Variants in SETD7 observed in about 807,000 individuals in gnomAD.
The protein encoded by SETD7 is SET domain containing 7, histone lysine methyltransferase, also known as histone-lysine N-methyltransferase SETD7.
Under a neutral mutation model 41.8 loss-of-function variants are expected in SETD7, and 16 were observed. That is an observed-to-expected ratio of 0.38 (90% CI 0.26 to 0.58). The LOEUF (loss-of-function observed/expected upper bound fraction) is 0.58, where lower values mean the gene tolerates loss of function less well. Among genes scored for constraint, SETD7 ranks in the 20% least tolerant of loss-of-function variants. The pLI is 0.64. For missense variants in SETD7, 346 were observed against 459.7 expected (o/e 0.75, Z 2.26); for synonymous variants, 163 against 169.7 (o/e 0.96, Z 0.31).
chr4:139,509,651 C>T lies in SETD7; in HGVS notation c.*2012G>A. ...GAGGTTAATGCAAGCCATCTTTCTC[C>T]TGAAGACAGTCACTCCCTTTGGGCA... On this transcript the variant is annotated 3_prime_UTR_variant, in exon 8 of 8. Transcript: ENST00000274031. 1.0e-6 allele frequency: 1 copy of T among 971,060 alleles called. No homozygotes were observed. Among genetic ancestry groups the T allele is most frequent in the Non-Finnish European group, 1.2e-6 (1 of 816,794 alleles). 60.2% of individuals were successfully genotyped at this position (971,060 alleles called of 1,614,324 possible).
At chr4:139,546,878 ATTC>A (rs775645887) in intron 2 of SETD7, 39 bp downstream of exon 2, 40 of 1,613,390 alleles carry the variant, frequency 2.5e-5, no homozygotes, top group Non-Finnish European at 5.1e-6. Context: ...ACATAAAATA[ATTC>A]GGTACCCCCA....
chr4:139,526,090 A>G (rs1447309436), intron 4 of SETD7, among the ~76,000 whole-genome samples: 2 of 151,946 alleles, frequency 1.3e-5, no homozygotes, highest in African/African-American at 4.8e-5. Flanking sequence ...TCTCTGTGTC[A>G]CCCAGGCTGG....
intron 7 of SETD7, among the ~76,000 whole-genome samples, chr4:139,500,547 C>T (rs1262774993): frequency 2.6e-5 from 4 of 152,180 alleles, no homozygotes; most frequent in Non-Finnish European, 5.9e-5. Flanking sequence ...CTTGCTCTGT[C>T]GTCCAGGCTG....
intron 2 of SETD7, among the ~76,000 whole-genome samples, chr4:139,535,499 C>T (rs1727613276): frequency 6.6e-6 from 1 of 152,068 alleles, no homozygotes; most frequent in Non-Finnish European, 1.5e-5. Flanking sequence ...ACTAGTCTGC[C>T]AATATTTCTC....
rs1412742724 is a variant in SETD7, at chr4:139,511,805, C to A, written c.959G>T (p.Arg320Leu). ...HPRFGPIKCI[R>L]TLRAVEADEE... The stretch of plus-strand genomic sequence containing the variant: ...ATCGGCCTCCACTGCTCTCAGGGTG[C>A]GGATGCATTTGATGGGCCCAAAACG... Residue 320 changes from arginine to leucine, a missense_variant, in exon 8 of 8, where the codon CGC (arginine) becomes CTC (leucine). This residue lies in a region of SETD7 where 75 missense variants were observed against 65.5 expected (regional missense o/e 1.14). Transcript: ENST00000274031. The A allele has an allele frequency of 6.2e-7, 1 of 1,613,676 alleles. No homozygotes were observed. The highest frequency in any genetic ancestry group is 8.5e-7 in the Non-Finnish European group (1 of 1,179,896).
intron 7 of SETD7, among the ~76,000 whole-genome samples, chr4:139,514,873 G>A (rs1472979465): frequency 6.6e-6 from 1 of 152,126 alleles, no homozygotes; most frequent in Admixed American, 6.6e-5. Context: ...ATGTTAAAGT[G>A]TACATATCAG....
intron 2 of SETD7, among the ~76,000 whole-genome samples, chr4:139,540,146 A>T (rs894034476): frequency 2.0e-5 from 3 of 152,200 alleles, no homozygotes; most frequent in Non-Finnish European, 2.9e-5. Context: ...AGGTTTTCTC[A>T]TTCAATCACA....
At chr4:139,553,192 C>T (rs955520177) in intron 1 of SETD7, among the ~76,000 whole-genome samples, 5 of 152,202 alleles carry the variant, frequency 3.3e-5, no homozygotes, top group African/African-American at 9.7e-5. Flanking sequence ...AGAACTTTCC[C>T]AGAGTTACAA....
At chr4:139,523,462 T>C (rs747858284) in intron 4 of SETD7, 27 bp from the exon 5 acceptor site, 2 of 1,535,496 alleles carry the variant, frequency 1.3e-6, no homozygotes, top group East Asian at 2.2e-5. Context: ...AATACCAGTA[T>C]AGGTGCAGAG....
chr4:139,545,031 T>C (rs1166839566), intron 2 of SETD7, among the ~76,000 whole-genome samples: 5 of 152,078 alleles, frequency 3.3e-5, no homozygotes, highest in African/African-American at 2.4e-5. Context: ...TACATAAATA[T>C]GTACTTGTTG....
intron 5 of SETD7, among the ~76,000 whole-genome samples, chr4:139,522,200 G>C (rs549184199): frequency 6.4e-4 from 98 of 152,350 alleles, no homozygotes; most frequent in Non-Finnish European, 1.2e-3. Context: ...GGTCAGCCCT[G>C]TCAGTTGAAT....
At chr4:139,530,613 G>C (rs1324605834) in intron 3 of SETD7, among the ~76,000 whole-genome samples, 1 of 152,036 alleles carries the variant, frequency 6.6e-6, no homozygotes, top group Non-Finnish European at 1.5e-5. Context: ...GAGCATTTGT[G>C]CTTCTTATAA....
rs563400069 is a variant in SETD7, at chr4:139,524,033, A to G, written c.563-598T>C. On this transcript the variant is annotated intron_variant, in intron 4 of 7. Transcript: ENST00000274031. ...GAACACTGGCTCTCTGTGAAGGATTAGCTTTAGAGAATCCTCACAGACAGC... is the reference window on the plus strand; with the variant it reads ...GAACACTGGCTCTCTGTGAAGGATTGGCTTTAGAGAATCCTCACAGACAGC... 2.6e-5 allele frequency among the ~76,000 whole-genome samples: 4 copies of G among 152,354 alleles called. No homozygotes were observed. In the South Asian group the frequency reaches 8.3e-4, roughly 32 times the overall value.
intron 2 of SETD7, among the ~76,000 whole-genome samples, chr4:139,544,324 A>AATAAAATAAAATAAAATAAAATAAG (rs1727869900): frequency 6.6e-6 from 1 of 151,774 alleles, no homozygotes; most frequent in Non-Finnish European, 1.5e-5. Context: ...AATAAAATAA[A>AATAAAATAAAATAAAATAAAATAAG]ATAAAATAAA....
chr4:139,555,121 A>G lies in SETD7; in HGVS notation c.40+977T>C, dbSNP rs184072123. On this transcript the variant is annotated intron_variant, in intron 1 of 7. Coordinates refer to ENST00000274031, the MANE Select transcript of SETD7 (RefSeq NM_030648.4). This position sits in a 1 kb window ranked among gnomAD's most constrained non-coding sequence, Gnocchi z 4.0. ...CAGTATTCGCTGTTACAAAATCATA[A>G]CATCCTATGATACAAACAACGAGAT... 2.0e-5 allele frequency among the ~76,000 whole-genome samples: 3 copies of G among 151,484 alleles called. No individual in the cohort carries two copies. In the East Asian group the frequency reaches 5.8e-4, roughly 29 times the overall value.
At chr4:139,544,797 A>AGTGTGTGTGTGT (rs10581648) in intron 2 of SETD7, among the ~76,000 whole-genome samples, 11,681 of 144,548 alleles carry the variant, frequency 0.081, 375 homozygotes, top group African/African-American at 0.097. Context: ...CCAGATTTAA[A>AGTGTGTGTGTGT]GTGTGTGTGT....
chr4:139,529,787 C>T (rs566317341), intron 3 of SETD7, among the ~76,000 whole-genome samples: 2 of 152,266 alleles, frequency 1.3e-5, no homozygotes, highest in East Asian at 3.9e-4. Context: ...TTTTCAGAGG[C>T]AAACAAAAGG....
chr4:139,512,237 C>G (rs988178378), intron 7 of SETD7, among the ~76,000 whole-genome samples: 4 of 152,204 alleles, frequency 2.6e-5, no homozygotes, highest in African/African-American at 9.6e-5. Context: ...TTGAGCTTGT[C>G]TGGCCAGCAG....
intron 7 of SETD7, among the ~76,000 whole-genome samples, chr4:139,514,406 C>T (rs1243034937): frequency 6.6e-6 from 1 of 152,116 alleles, no homozygotes; most frequent in African/African-American, 2.4e-5. Context: ...ATTTCCAGGC[C>T]TAGAGCTTCT....
Sources: allele counts gnomAD v4.1 joint callset (sites outside exome capture counted in the v4.1 genomes callset), GRCh38; gene constraint gnomAD v4.1.1; regional missense constraint gnomAD v4.1.1; non-coding constraint Gnocchi (gnomAD v3.1); transcripts MANE v1.5; gene names NCBI Gene and HGNC (gene_info 2026-07-23, HGNC 2026-07-21).